The following CSMD1 variants were observed in gnomAD, a reference collection of about 807,000 sequenced individuals.
The protein encoded by CSMD1 is CUB and sushi domain-containing protein 1.
Under a neutral mutation model 417.5 loss-of-function variants are expected in CSMD1, and 213 were observed. That is an observed-to-expected ratio of 0.51 (90% CI 0.46 to 0.57). The LOEUF is 0.57. Among genes scored for constraint, CSMD1 ranks in the 20% least tolerant of loss-of-function variants. CSMD1 has a pLI of 0.00. For missense variants in CSMD1, 6,923 were observed against 4,529.7 expected (o/e 1.53, Z -15.17); for synonymous variants, 2,862 against 1,736.8 (o/e 1.65, Z -16.11).
intron 12 of CSMD1, among the ~76,000 whole-genome samples, chr8:3,425,483 G>T (rs935626252): frequency 2.0e-5 from 3 of 151,560 alleles, no homozygotes; most frequent in Non-Finnish European, 1.5e-5. Flanking sequence ...AGCTACTTGG[G>T]AGGCTGAGGC....
intron 3 of CSMD1, among the ~76,000 whole-genome samples, chr8:4,060,857 C>G (rs1005481811): frequency 1.3e-5 from 2 of 152,008 alleles, no homozygotes; most frequent in African/African-American, 4.8e-5. Flanking sequence ...GGTTAGATGA[C>G]CAGACAGGAA....
chr8:4,718,223 T>A (rs1012958815), intron 1 of CSMD1, among the ~76,000 whole-genome samples: 1 of 152,212 alleles, frequency 6.6e-6, no homozygotes, highest in South Asian at 2.1e-4. Flanking sequence ...GTGATTCTCC[T>A]GTCTCAGCCT....
intron 5 of CSMD1, among the ~76,000 whole-genome samples, chr8:3,813,250 G>C (rs1055953265): frequency 6.6e-6 from 1 of 152,064 alleles, no homozygotes; most frequent in Non-Finnish European, 1.5e-5. Flanking sequence ...TCATCATTAA[G>C]ATAGCAATCA....
chr8:4,355,638 T>C (rs1801384591), intron 3 of CSMD1, among the ~76,000 whole-genome samples: 1 of 152,298 alleles, frequency 6.6e-6, no homozygotes, highest in East Asian at 1.9e-4. Flanking sequence ...ACAGAAATCA[T>C]TCAAGAAAAG....
intron 1 of CSMD1, among the ~76,000 whole-genome samples, chr8:4,657,770 GA>G (rs1300842015): frequency 6.8e-6 from 1 of 147,418 alleles, no homozygotes; most frequent in Non-Finnish European, 1.5e-5. Flanking sequence ...TGAATTAGTA[GA>G]AAAAGACTTA....
At chr8:3,837,226 A>T (rs1439670980) in intron 5 of CSMD1, among the ~76,000 whole-genome samples, 2 of 152,162 alleles carry the variant, frequency 1.3e-5, no homozygotes, top group Non-Finnish European at 2.9e-5. Context: ...TCCAGAATAG[A>T]TGTGCATAGC....
intron 2 of CSMD1, among the ~76,000 whole-genome samples, chr8:4,479,506 A>G (rs1275406076): frequency 6.6e-6 from 1 of 152,232 alleles, no homozygotes; most frequent in East Asian, 1.9e-4. Context: ...CAGTAGTTTC[A>G]TAAATACCTT....
intron 26 of CSMD1, among the ~76,000 whole-genome samples, chr8:3,245,228 C>A (rs1799799219): frequency 6.6e-6 from 1 of 152,296 alleles, no homozygotes. Context: ...GTCCTTGAGT[C>A]CTCCCTGTCC....
chr8:4,574,868 T>C (rs951931565), intron 2 of CSMD1, among the ~76,000 whole-genome samples: 2 of 152,202 alleles, frequency 1.3e-5, no homozygotes, highest in Non-Finnish European at 2.9e-5. Context: ...GTCCAAAATT[T>C]AATTTAAATA....
rs80089665 is a variant in CSMD1, at chr8:4,976,900, TA to T, written c.85+17431del. On this transcript the variant is annotated intron_variant, in intron 1 of 69. Transcript: ENST00000635120. ...GGACATTGCTGGTCAGCTATAAACA[TA>T]AAAAAAAATCCTCCAGAGCATCAAG... Among the ~76,000 whole-genome samples, 19 of 151,550 alleles carry T rather than the reference TA, an allele frequency of 1.3e-4. No individual in the cohort carries two copies. The East Asian group carries it at 1.6e-3, about 12-fold the overall frequency.
intron 3 of CSMD1, among the ~76,000 whole-genome samples, chr8:4,187,058 T>A (rs1436218335): frequency 6.6e-6 from 1 of 152,184 alleles, no homozygotes; most frequent in Non-Finnish European, 1.5e-5. Context: ...ATATAAATGT[T>A]TGCTCAAATT....
intron 5 of CSMD1, among the ~76,000 whole-genome samples, chr8:3,817,461 A>G (rs1801451437): frequency 6.6e-6 from 1 of 151,030 alleles, no homozygotes; most frequent in African/African-American, 2.4e-5. Context: ...TTGTGTTTTT[A>G]GTAGAGACGG....
At chr8:4,657,583 C>T (rs143416337) in intron 1 of CSMD1, among the ~76,000 whole-genome samples, 1 of 152,020 alleles carries the variant, frequency 6.6e-6, no homozygotes, top group Non-Finnish European at 1.5e-5. Flanking sequence ...TCAATAACTA[C>T]AGCAATAAAA....
At chr8:4,373,773 C>A (rs934858754) in intron 3 of CSMD1, among the ~76,000 whole-genome samples, 1 of 152,162 alleles carries the variant, frequency 6.6e-6, no homozygotes, top group African/African-American at 2.4e-5. Context: ...CTCCCTGGGG[C>A]ACTTTTTCTC....
chr8:3,426,440 A>G (rs1166423881), intron 12 of CSMD1, among the ~76,000 whole-genome samples: 2 of 152,200 alleles, frequency 1.3e-5, no homozygotes, highest in Non-Finnish European at 2.9e-5. Context: ...AAATAGGAAC[A>G]TCACTTTTCA....
intron 3 of CSMD1, among the ~76,000 whole-genome samples, chr8:4,228,083 G>T (rs1047720416): frequency 6.6e-6 from 1 of 151,864 alleles, no homozygotes; most frequent in South Asian, 2.1e-4. Context: ...CCCCACACCA[G>T]GAGACACACT....
intron 5 of CSMD1, among the ~76,000 whole-genome samples, chr8:3,898,204 A>T (rs900846261): frequency 6.6e-6 from 1 of 152,198 alleles, no homozygotes; most frequent in Admixed American, 6.5e-5. Flanking sequence ...GCTTATGAGT[A>T]TGGAAAATTC....
At chr8:4,726,544 C>T (rs1446078446) in intron 1 of CSMD1, among the ~76,000 whole-genome samples, 1 of 152,108 alleles carries the variant, frequency 6.6e-6, no homozygotes, top group Non-Finnish European at 1.5e-5. Flanking sequence ...CAGTGCTAAC[C>T]AGAGGGACAG....
intron 57 of CSMD1, among the ~76,000 whole-genome samples, chr8:2,968,822 C>T (rs79117583): frequency 0.02 from 3,003 of 152,138 alleles, 90 homozygotes; most frequent in African/African-American, 0.067. Context: ...TTAAACTTTG[C>T]CATATTTTCT....
Sources: gnomAD v4.1 joint callset for allele counts (sites outside exome capture counted in the v4.1 genomes callset) on GRCh38, gnomAD v4.1.1 for gene constraint, MANE v1.5 for transcripts, NCBI Gene and HGNC (gene_info 2026-07-23, HGNC 2026-07-21) for gene names.